PEPD: variants seen among roughly 807,000 people sequenced by gnomAD.
PEPD encodes the protein xaa-Pro dipeptidase.
PEPD carries 53 observed loss-of-function variants against 60.7 expected under a neutral mutation model. The observed-to-expected ratio is 0.87, with a 90% CI of 0.70 to 1.10. The LOEUF is 1.10. PEPD is among the 50% of genes least tolerant of loss of function. PEPD has a pLI of 0.00. For missense variants in PEPD, 711 were observed against 711.9 expected (o/e 1.00, Z 0.01); for synonymous variants, 267 against 284.1 (o/e 0.94, Z 0.60).
chr19:33,389,678 C>G (rs952742629), intron 13 of PEPD, among the ~76,000 whole-genome samples: 1 of 152,238 alleles, frequency 6.6e-6, no homozygotes, highest in Non-Finnish European at 1.5e-5. Flanking sequence ...CTCCATGGTA[C>G]ACGGTTGAGG....
chr19:33,391,337 G>C lies in PEPD; in HGVS notation c.1110C>G (p.His370Gln). The C allele has an allele frequency of 6.2e-7, 1 of 1,612,078 alleles. No individual in the cohort carries two copies. Among genetic ancestry groups the C allele is most frequent in the Non-Finnish European group, 8.5e-7 (1 of 1,179,602 alleles). The change falls in exon 13 of 15, where the codon CAC (histidine) becomes CAG (glutamine). Residue 370 changes from histidine (H) to glutamine (Q), a missense_variant. Transcript: ENST00000244137. Reference sequence around the variant, plus strand: ...CGTCGTGCACGTCAATGCCCAGGAAGTGGCCAAGCCCGTGAGGCATAAACA... The same window carrying C: ...CGTCGTGCACGTCAATGCCCAGGAACTGGCCAAGCCCGTGAGGCATAAACA... The part of the protein sequence containing the change: ...GAVFMPHGLG[H>Q]FLGIDVHDVG...
At chr19:33,431,290 A>T (rs1969268492) in intron 9 of PEPD, among the ~76,000 whole-genome samples, 1 of 152,148 alleles carries the variant, frequency 6.6e-6, no homozygotes, top group Non-Finnish European at 1.5e-5. Flanking sequence ...AAGCAATTCA[A>T]GCCCAATTCC....
At chr19:33,511,234 C>A in intron 2 of PEPD, 79 bp from the exon 3 acceptor site, 1 of 1,504,784 alleles carries the variant, frequency 6.6e-7, no homozygotes, top group Non-Finnish European at 9.2e-7. Flanking sequence ...TCACAGCACC[C>A]TAGAGAGCCA....
rs115886189 is a variant in PEPD at position 33,447,199 on chromosome 19, G to A, written c.671+15796C>T. ...CCACTCACCAATGAGGGGACCCCAAGTGCTGTCACAGGTGCATCCACAAGG... is the reference window on the plus strand; with the variant it reads ...CCACTCACCAATGAGGGGACCCCAAATGCTGTCACAGGTGCATCCACAAGG... On this transcript the variant is annotated intron_variant, in intron 9 of 14. Coordinates refer to ENST00000244137, the MANE Select transcript of PEPD (RefSeq NM_000285.4). 9.7e-3 allele frequency among the ~76,000 whole-genome samples: 1,484 copies of A among 152,344 alleles called. 32 individuals are homozygous for A. The highest frequency in any genetic ancestry group is 0.034 in the African/African-American group (1,412 of 41,588).
At chr19:33,402,584 A>T (rs1025135931) in intron 11 of PEPD, among the ~76,000 whole-genome samples, 4 of 152,096 alleles carry the variant, frequency 2.6e-5, no homozygotes, top group African/African-American at 9.7e-5. Context: ...GCCCAAGGGG[A>T]GGGCAGGGAG....
intron 7 of PEPD, among the ~76,000 whole-genome samples, chr19:33,464,970 G>A (rs1380436852): frequency 6.6e-6 from 1 of 152,130 alleles, no homozygotes; most frequent in Non-Finnish European, 1.5e-5. Context: ...TGGGAGAAAG[G>A]CCCTGGGCTC....
chr19:33,439,913 T>G (rs2145408676), intron 9 of PEPD, among the ~76,000 whole-genome samples: 1 of 152,304 alleles, frequency 6.6e-6, no homozygotes, highest in African/African-American at 2.4e-5. Flanking sequence ...AGATGGGGTC[T>G]TCCTGTGTTG....
chr19:33,399,998 A>C (rs111316459), intron 12 of PEPD, among the ~76,000 whole-genome samples: 65 of 151,638 alleles, frequency 4.3e-4, no homozygotes, highest in African/African-American at 1.5e-3. Flanking sequence ...GGCTCGGGGC[A>C]CTCTGGGTCT....
chr19:33,478,203 T>C, intron 6 of PEPD, 113 bp from the exon 7 acceptor site: 1 of 760,278 alleles, frequency 1.3e-6, no homozygotes, highest in Non-Finnish European at 2.4e-6. Flanking sequence ...TCCCACACTT[T>C]AATTTCATGA....
chr19:33,474,296 C>T (rs1970177450), intron 7 of PEPD, among the ~76,000 whole-genome samples: 1 of 152,236 alleles, frequency 6.6e-6, no homozygotes, highest in Non-Finnish European at 1.5e-5. Flanking sequence ...GCTCAACTGG[C>T]ATTTTCTTGG....
chr19:33,492,012 A>G (rs1026711449), intron 5 of PEPD, among the ~76,000 whole-genome samples: 1 of 151,548 alleles, frequency 6.6e-6, no homozygotes, highest in Non-Finnish European at 1.5e-5. Flanking sequence ...CTTTGAAGAG[A>G]AACCTCTACT....
At chr19:33,451,201 A>T (rs1293110385) in intron 9 of PEPD, among the ~76,000 whole-genome samples, 1 of 152,174 alleles carries the variant, frequency 6.6e-6, no homozygotes, top group Non-Finnish European at 1.5e-5. Context: ...CTCACCCTTG[A>T]ATTCTTTCCT....
At chr19:33,396,971 C>G (rs986073133) in intron 12 of PEPD, among the ~76,000 whole-genome samples, 2 of 152,162 alleles carry the variant, frequency 1.3e-5, no homozygotes, top group Non-Finnish European at 1.5e-5. Context: ...CGCCTCCCCC[C>G]ATTCCCCTCA....
In PEPD at chr19:33,512,603, A is replaced by T; in HGVS notation, c.191T>A (p.Leu64His). Residue 64 changes from leucine to histidine, a missense_variant, in exon 2 of 15, where the codon CTC becomes CAC. Leu to His is a moderately conservative substitution (Grantham distance 99). Coordinates refer to ENST00000244137, the MANE Select transcript of PEPD (RefSeq NM_000285.4). The stretch of plus-strand genomic sequence containing the variant: ...AGCGGGGAGGCTCACCTGGCGGAAG[A>T]GGACCCCGGTGTCGGTGCAGTAGCG... ...TQRYCTDTGV[L>H]FRQESFFHWA... 2 of 1,613,742 alleles carry T rather than the reference A, an allele frequency of 1.2e-6. No individual in the cohort carries two copies. Among genetic ancestry groups the T allele is most frequent in the Non-Finnish European group, 1.7e-6 (2 of 1,179,942 alleles).
intron 7 of PEPD, among the ~76,000 whole-genome samples, chr19:33,464,595 T>C (rs1969986891): frequency 6.6e-6 from 1 of 151,978 alleles, no homozygotes. Flanking sequence ...CTGGTACAAA[T>C]GTGGAAACAG....
chr19:33,422,761 CTACT>C (rs985468158), intron 9 of PEPD, among the ~76,000 whole-genome samples: 23 of 151,368 alleles, frequency 1.5e-4, no homozygotes, highest in African/African-American at 5.1e-4. Flanking sequence ...GTCAACCTAC[CTACT>C]TATCATTGAT....
chr19:33,508,562 G>A (rs990463891), intron 3 of PEPD, among the ~76,000 whole-genome samples: 2 of 152,250 alleles, frequency 1.3e-5, no homozygotes, highest in South Asian at 4.1e-4. Flanking sequence ...GACCTCAGCA[G>A]ATGGAAGGCT....
chr19:33,463,870 C>T (rs1455409056), intron 8 of PEPD, 117 bp downstream of exon 8: 2 of 735,088 alleles, frequency 2.7e-6, no homozygotes, highest in Admixed American at 2.0e-5. Context: ...AACTTCCTAC[C>T]TCTCACTTGG....
intron 13 of PEPD, chr19:33,388,843 C>T (rs1421316095): frequency 1.3e-5 from 2 of 153,668 alleles, no homozygotes; most frequent in Non-Finnish European, 2.9e-5. Flanking sequence ...CTTGTCCACT[C>T]ACAGGCACAG....
Sources: allele counts gnomAD v4.1 joint callset (sites outside exome capture counted in the v4.1 genomes callset), GRCh38; gene constraint gnomAD v4.1.1; transcripts MANE v1.5; gene names NCBI Gene and HGNC (gene_info 2026-07-23, HGNC 2026-07-21).